SNURF: variants seen among roughly 807,000 people sequenced by gnomAD.
The protein encoded by SNURF is SNRPN upstream open reading frame.
A neutral mutation model predicts 11.6 loss-of-function variants in SNURF; 6 were observed. The ratio of observed to expected loss-of-function variants is 0.52; its 90% confidence interval spans 0.28 to 1.02. SNURF has a LOEUF of 1.02. Among genes scored for constraint, SNURF ranks in the 50% least tolerant of loss-of-function variants. SNURF has a pLI of 0.09. For missense variants in SNURF, 84 were observed against 88.4 expected (o/e 0.95, Z 0.20); for synonymous variants, 29 against 31.6 (o/e 0.92, Z 0.27).
chr15:24,956,634 G>T (rs1472560359), intron 1 of SNURF, among the ~76,000 whole-genome samples: 12 of 152,218 alleles, frequency 7.9e-5, no homozygotes, highest in Non-Finnish European at 1.8e-4. Flanking sequence ...TGCCTGGAAG[G>T]AATGGCAGCC....
intron 1 of SNURF, among the ~76,000 whole-genome samples, chr15:24,961,584 T>A (rs150854673): frequency 3.3e-4 from 51 of 152,300 alleles, no homozygotes; most frequent in African/African-American, 1.2e-3. Flanking sequence ...ATGTGGATAG[T>A]TTTTAGCTTG....
At chr15:24,964,554 T>C (rs368805262) in intron 2 of SNURF, among the ~76,000 whole-genome samples, 30 of 152,246 alleles carry the variant, frequency 2.0e-4, no homozygotes, top group African/African-American at 7.0e-4. Context: ...TTGGTTTCTT[T>C]CCCAAAGTGC....
intron 4 of SNURF, chr15:24,976,251 A>T (rs531269198): frequency 7.8e-7 from 1 of 1,285,840 alleles, no homozygotes; most frequent in Admixed American, 1.7e-5. Flanking sequence ...AAATATTTTG[A>T]TGAGTGAGTG....
rs76938898 is a variant in SNURF, at chr15:24,965,175, C to G, written c.111-2757C>G. ...ATATTTACCCATTCATCTCCTACTT[C>G]CTACCAAATCATAAGTAGTATTGGG... is the stretch of plus-strand genomic sequence containing the variant. On this transcript the variant is annotated intron_variant, in intron 2 of 2. Transcript: ENST00000577949. Among the ~76,000 whole-genome samples, 92 of 152,292 alleles carry G rather than the reference C, an allele frequency of 6.0e-4. 5 individuals carry two copies. In the East Asian group the frequency reaches 0.018, roughly 29 times the overall value.
chr15:24,957,106 T>G (rs1464175601), intron 1 of SNURF, among the ~76,000 whole-genome samples: 1 of 152,214 alleles, frequency 6.6e-6, no homozygotes, highest in African/African-American at 2.4e-5. Flanking sequence ...CTCCCTGTAG[T>G]CTTTGATTTC....
At chr15:24,955,155 T>G in intron 1 of SNURF, 93 bp downstream of exon 1, 1 of 1,542,996 alleles carries the variant, frequency 6.5e-7, no homozygotes, top group Non-Finnish European at 8.9e-7. Flanking sequence ...CTTGGAGTAC[T>G]GAATAAACGG....
At chr15:24,977,144 G>C (rs1418131613) in intron 6 of SNURF, 22 of 784,176 alleles carry the variant, frequency 2.8e-5, no homozygotes, top group Non-Finnish European at 4.1e-5. Context: ...ATATGGTTTA[G>C]GAGGAACCAA....
intron 1 of SNURF, among the ~76,000 whole-genome samples, chr15:24,956,110 G>A (rs992113218): frequency 3.9e-5 from 6 of 152,202 alleles, no homozygotes; most frequent in African/African-American, 1.2e-4. Flanking sequence ...AGGAACCCTC[G>A]CTTTAGAGGC....
chr15:24,975,793 A>T (rs1330200698), intron 4 of SNURF, among the ~76,000 whole-genome samples: 5 of 152,190 alleles, frequency 3.3e-5, no homozygotes, highest in African/African-American at 1.2e-4. Flanking sequence ...ATGCTATATT[A>T]ATTAATTGGT....
chr15:24,970,788 A>T (rs374854462), downstream of SNURF, among the ~76,000 whole-genome samples: 60 of 152,312 alleles, frequency 3.9e-4, no homozygotes, highest in South Asian at 7.9e-3. Context: ...GTTTCTCAGT[A>T]CCACCCTTTG....
intron 3 of SNURF, chr15:24,974,844 A>T: frequency 1.4e-6 from 1 of 691,758 alleles, no homozygotes; most frequent in Non-Finnish European, 2.6e-6. Flanking sequence ...CAGGCATGAG[A>T]TGAGCCACTG....
At chr15:24,969,153 A>G (rs1219101047), downstream of SNURF, among the ~76,000 whole-genome samples, 1 of 151,976 alleles carries the variant, frequency 6.6e-6, no homozygotes, top group Admixed American at 6.6e-5. Flanking sequence ...TTTAGAGATG[A>G]AGTTTCACTC....
chr15:24,962,196 C>A, exon 2 of SNURF: 1 of 1,614,010 alleles, frequency 6.2e-7, no homozygotes. Flanking sequence ...GACTGCCTCA[C>A]TGAGCAACCA....
intron 2 of SNURF, among the ~76,000 whole-genome samples, chr15:24,962,501 A>G (rs897363333): frequency 1.3e-5 from 2 of 152,176 alleles, no homozygotes; most frequent in Admixed American, 1.3e-4. Flanking sequence ...ATTTTTCTGC[A>G]TTATTAAATC....
chr15:24,969,894 T>C (rs1424150178), downstream of SNURF, among the ~76,000 whole-genome samples: 1 of 152,174 alleles, frequency 6.6e-6, no homozygotes, highest in Non-Finnish European at 1.5e-5. Context: ...TTTGGCCACA[T>C]TGGTGCTACG....
At chr15:24,956,327 C>T (rs1235158211) in intron 1 of SNURF, among the ~76,000 whole-genome samples, 2 of 141,260 alleles carry the variant, frequency 1.4e-5, no homozygotes, top group African/African-American at 2.6e-5. Context: ...GCCGCTGCAG[C>T]GGCTTAGATC....
chr15:24,977,572 A>G lies in SNURF; in HGVS notation c.*463-206A>G, dbSNP rs2077208799. ...AGAATCGCTTGAACCCAGGAGTGGGAGGCTGCAGTGAGCTGAGATTGCGCC... is the reference window on the plus strand; with the variant it reads ...AGAATCGCTTGAACCCAGGAGTGGGGGGCTGCAGTGAGCTGAGATTGCGCC... On this transcript the variant is annotated intron_variant and NMD_transcript_variant, in intron 6 of 6. Transcript: ENST00000580062. 3.3e-5 allele frequency among the ~76,000 whole-genome samples: 5 copies of G among 152,204 alleles called. No individual in the cohort carries two copies. In the South Asian group the frequency reaches 1.0e-3, roughly 32 times the overall value.
At chr15:24,968,120 C>A in exon 3 of SNURF, 2 of 1,233,728 alleles carry the variant, frequency 1.6e-6, no homozygotes, top group Non-Finnish European at 2.4e-6. Flanking sequence ...AATAAAGAAT[C>A]ATTAAAGAAT....
At chr15:24,974,206 G>T in intron 3 of SNURF, 1 of 532,576 alleles carries the variant, frequency 1.9e-6, no homozygotes. Context: ...ATGAGAGGAA[G>T]GATGTTTTTG....
Sources: gnomAD v4.1 joint callset for allele counts (sites outside exome capture counted in the v4.1 genomes callset) on GRCh38, gnomAD v4.1.1 for gene constraint, MANE v1.5 for transcripts, NCBI Gene and HGNC (gene_info 2026-07-23, HGNC 2026-07-21) for gene names.